Variants in VPS13D observed in about 807,000 individuals in gnomAD.
VPS13D encodes intermembrane lipid transfer protein VPS13D.
In VPS13D, 187 loss-of-function variants were observed where a neutral mutation model predicts 461.9. That is an observed-to-expected ratio of 0.40 (90% CI 0.36 to 0.46). The LOEUF (loss-of-function observed/expected upper bound fraction) is 0.46. Among genes scored for constraint, VPS13D ranks in the 20% least tolerant of loss-of-function variants. The pLI is 0.60. For synonymous variants in VPS13D, 1,951 were observed against 1,986.3 expected (o/e 0.98, Z 0.47); for missense variants, 4,711 against 5,364.9 (o/e 0.88, Z 3.81).
chr1:12,395,825 G>A (rs921606269), intron 60 of VPS13D, among the ~76,000 whole-genome samples: 1 of 151,288 alleles, frequency 6.6e-6, no homozygotes, highest in Admixed American at 6.6e-5. Context: ...TACTATTAGA[G>A]GTAGAGTCCT....
Position 12,509,327 on chromosome 1 carries a change from A to G in VPS13D, c.*303A>G, listed in dbSNP as rs1457459908. On this transcript the variant is annotated 3_prime_UTR_variant, in exon 70 of 70. Transcript: ENST00000620676. ...CCCTGTATTTTGTTAACATGTATAT[A>G]TGTACAACAGTGTGTTTGTAAATAT... The G allele has an allele frequency of 7.2e-5, 22 of 305,782 alleles. No homozygotes were observed. Among genetic ancestry groups the G allele is most frequent in the Non-Finnish European group, 1.3e-4 (22 of 164,848 alleles). The allele number at this position is 305,782 out of a possible 1,614,324, so 18.9% of individuals were successfully genotyped here. A position where few individuals can be genotyped will look rare whatever the true frequency, so the allele number is the denominator to read the frequency against.
intron 50 of VPS13D, among the ~76,000 whole-genome samples, chr1:12,361,563 T>A (rs1323424043): frequency 1.3e-5 from 2 of 149,992 alleles, no homozygotes; most frequent in South Asian, 4.2e-4. Flanking sequence ...GCCCGGCTAA[T>A]TTTTTGTATT....
intron 53 of VPS13D, among the ~76,000 whole-genome samples, chr1:12,369,235 G>A (rs1446796614): frequency 6.6e-6 from 1 of 151,930 alleles, no homozygotes; most frequent in Non-Finnish European, 1.5e-5. Flanking sequence ...GTATCTGTGT[G>A]TGTGTGTGTG....
intron 25 of VPS13D, among the ~76,000 whole-genome samples, chr1:12,303,945 C>G (rs1642493244): frequency 6.6e-6 from 1 of 152,110 alleles, no homozygotes. Flanking sequence ...CTCTGTTAGC[C>G]CTTCTTAATT....
intron 65 of VPS13D, among the ~76,000 whole-genome samples, chr1:12,422,028 C>T (rs1006717689): frequency 3.3e-5 from 5 of 152,092 alleles, no homozygotes; most frequent in Non-Finnish European, 7.4e-5. Context: ...GGGGTTTCAC[C>T]ATGTTGGCCA....
intron 65 of VPS13D, among the ~76,000 whole-genome samples, chr1:12,438,328 A>C (rs1645087684): frequency 6.6e-6 from 1 of 152,176 alleles, no homozygotes; most frequent in Admixed American, 6.5e-5. Flanking sequence ...GTTACAGTGA[A>C]AAGATGGCCA....
At chr1:12,300,584 A>G (rs1242213739) in intron 25 of VPS13D, among the ~76,000 whole-genome samples, 3 of 152,182 alleles carry the variant, frequency 2.0e-5, no homozygotes, top group Non-Finnish European at 2.9e-5. Context: ...TGCAAAGGAC[A>G]TGATTTCATT....
chr1:12,375,570 G>A (rs1321232174), intron 55 of VPS13D, among the ~76,000 whole-genome samples: 1 of 152,172 alleles, frequency 6.6e-6, no homozygotes, highest in Non-Finnish European at 1.5e-5. Flanking sequence ...GAATGTAACA[G>A]TGTAACTCAT....
At chr1:12,476,373 A>G (rs755599999) in intron 67 of VPS13D, among the ~76,000 whole-genome samples, 20 of 152,246 alleles carry the variant, frequency 1.3e-4, no homozygotes, top group Admixed American at 6.5e-5. Context: ...AAATTTTAAT[A>G]TATCAGAGAC....
At chr1:12,499,139 G>A (rs972193068) in intron 68 of VPS13D, among the ~76,000 whole-genome samples, 4 of 151,880 alleles carry the variant, frequency 2.6e-5, no homozygotes, top group Admixed American at 6.6e-5. Flanking sequence ...GGGGGGTCTA[G>A]AGACCCCCCA....
At chr1:12,491,039 G>T (rs1244254663) in intron 67 of VPS13D, among the ~76,000 whole-genome samples, 1 of 152,224 alleles carries the variant, frequency 6.6e-6, no homozygotes, top group East Asian at 1.9e-4. Context: ...AAGAACCCTG[G>T]TATCTTGTAG....
At chr1:12,305,836 G>A (rs1642546377) in intron 26 of VPS13D, among the ~76,000 whole-genome samples, 1 of 152,124 alleles carries the variant, frequency 6.6e-6, no homozygotes, top group Non-Finnish European at 1.5e-5. Flanking sequence ...GGTTTTAATT[G>A]TGTTGATCAT....
intron 54 of VPS13D, among the ~76,000 whole-genome samples, chr1:12,371,193 A>G (rs982261798): frequency 1.3e-5 from 2 of 152,024 alleles, no homozygotes; most frequent in African/African-American, 4.8e-5. Flanking sequence ...ACCAAAACCT[A>G]TTGAGCAGTC....
chr1:12,254,923 G>T (rs116447552), intron 7 of VPS13D, among the ~76,000 whole-genome samples: 1 of 151,668 alleles, frequency 6.6e-6, no homozygotes, highest in Non-Finnish European at 1.5e-5. Context: ...CTTTCACTTG[G>T]ATACTATTGT....
Position 12,473,093 on chromosome 1 carries a change from C to T in VPS13D, c.12662+12697C>T, listed in dbSNP as rs1645583455. 1.3e-5 allele frequency among the ~76,000 whole-genome samples: 2 copies of T among 152,166 alleles called. No homozygotes were observed. Among genetic ancestry groups the T allele is most frequent in the Non-Finnish European group, 2.9e-5 (2 of 68,032 alleles). On this transcript the variant is annotated intron_variant, in intron 67 of 69. Coordinates refer to ENST00000620676, the MANE Select transcript of VPS13D (RefSeq NM_015378.4). The surrounding 1 kb of genome is among the most constrained non-coding windows in gnomAD (Gnocchi z 4.2). ...TAGTGACATGGCCCTGTCACCACCCCTCATTGAACCATAAAAGCTATTCAG... is the reference window on the plus strand; with the variant it reads ...TAGTGACATGGCCCTGTCACCACCCTTCATTGAACCATAAAAGCTATTCAG...
At chr1:12,345,327 CT>C in intron 42 of VPS13D, 46 bp from the exon 43 acceptor site, 1 of 1,576,584 alleles carries the variant, frequency 6.3e-7, no homozygotes, top group Non-Finnish European at 8.7e-7. Flanking sequence ...CTTTTCATCC[CT>C]TCTGGAGATT....
intron 65 of VPS13D, among the ~76,000 whole-genome samples, chr1:12,421,689 C>A (rs576201346): frequency 6.6e-6 from 1 of 152,308 alleles, no homozygotes; most frequent in African/African-American, 2.4e-5. Flanking sequence ...CCTGTAGAAA[C>A]TGTGTTTGCT....
At chr1:12,497,378 AT>A in intron 67 of VPS13D, 121 bp from the exon 68 acceptor site, 1 of 1,246,550 alleles carries the variant, frequency 8.0e-7, no homozygotes. Context: ...CTGTAGGTTA[AT>A]TCTGTTCACT....
chr1:12,230,285 C>G (rs892421417), intron 1 of VPS13D, among the ~76,000 whole-genome samples, 165 bp downstream of exon 1: 2 of 152,232 alleles, frequency 1.3e-5, no homozygotes, highest in Non-Finnish European at 2.9e-5. Flanking sequence ...CGGCCTCGGT[C>G]TGAGCCCCTC....
Sources: gnomAD v4.1 joint callset for allele counts (sites outside exome capture counted in the v4.1 genomes callset) on GRCh38, gnomAD v4.1.1 for gene constraint, Gnocchi (gnomAD v3.1) non-coding constraint, MANE v1.5 for transcripts, NCBI Gene and HGNC (gene_info 2026-07-23, HGNC 2026-07-21) for gene names.